The following MYH9 variants were observed in gnomAD, a reference collection of about 807,000 sequenced individuals.
The protein encoded by MYH9 is myosin-9.
In MYH9, 29 loss-of-function variants were observed where a neutral mutation model predicts 241.9. The observed-to-expected ratio is 0.12, with a 90% CI of 0.09 to 0.16. The LOEUF (loss-of-function observed/expected upper bound fraction) is 0.16, where lower values mean the gene tolerates loss of function less well. MYH9 is among the 10% of genes least tolerant of loss of function. The probability of loss-of-function intolerance (pLI) is 1.00; values close to 1 mark genes in which losing one functional copy is unlikely to be tolerated. For synonymous variants in MYH9, 1,047 were observed against 1,062.6 expected, an observed-to-expected ratio of 0.99 and a Z score of 0.29; for missense variants, 1,803 against 2,595.5, an observed-to-expected ratio of 0.69 and a Z score of 6.63.
rs2146325013 is a variant in MYH9, at chr22:36,282,387, G to A, written c.*281C>T. ...ACATCTTGTGCTTTTTGGCAAGAGA[G>A]GGCTGAGGAGCCTGCTGGTCGCTCT... On this transcript the variant is annotated 3_prime_UTR_variant, in exon 41 of 41. Transcript: ENST00000216181. 1 of 581,548 alleles carries A rather than the reference G, an allele frequency of 1.7e-6. No homozygotes were observed. 36.0% of individuals were successfully genotyped at this position (581,548 alleles called of 1,614,324 possible). A position where few individuals can be genotyped will look rare whatever the true frequency, so the allele number is the denominator to read the frequency against.
At chr22:36,387,680 C>T (rs1284106262) in intron 1 of MYH9, 127 bp downstream of exon 1, 1 of 151,310 alleles carries the variant, frequency 6.6e-6, no homozygotes, top group Non-Finnish European at 1.5e-5. Context: ...CGGCGTTCGC[C>T]CCCGCCCGCG....
In MYH9 at chr22:36,314,161, T is replaced by C. The variant is rs1603483317; in HGVS notation, c.1538A>G (p.Asp513Gly). 12 of 1,614,144 alleles carry C rather than the reference T, an allele frequency of 7.4e-6. No homozygotes were observed. The highest frequency in any genetic ancestry group is 1.0e-5 in the Non-Finnish European group (12 of 1,180,006). The change falls in exon 13 of 41, where the codon GAC becomes GGC. Residue 513 changes from aspartate to glycine, a missense_variant. Coordinates refer to ENST00000216181, the MANE Select transcript of MYH9 (RefSeq NM_002473.6). ...GGTACTCACTGGCTTCTCAATGAGG[T>C]CGATGCAGGGCTGCAGGTCGAGGCC... ...DFGLDLQPCI[D>G]LIEKPAGPPG...
intron 35 of MYH9, among the ~76,000 whole-genome samples, chr22:36,286,234 G>A (rs867055985): frequency 6.6e-5 from 10 of 152,346 alleles, no homozygotes; most frequent in African/African-American, 2.4e-4. Context: ...GGGAGACCAC[G>A]TGGACAGAGT....
At chr22:36,314,884 A>T (rs1014303934) in intron 12 of MYH9, among the ~76,000 whole-genome samples, 3 of 152,158 alleles carry the variant, frequency 2.0e-5, no homozygotes, top group Non-Finnish European at 2.9e-5. Context: ...CCTGAGCTCA[A>T]GCAATTCTTC....
Position 36,293,955 on chromosome 22 carries a change from C to T in MYH9, c.3838-92G>A. ...CCTTTAGGTAAAGCTGGACCTGAGT[C>T]ACAAGCTGAACCATGAGGGTCTGAG... On this transcript the variant is annotated intron_variant, in intron 28 of 40. Coordinates refer to ENST00000216181, the MANE Select transcript of MYH9 (RefSeq NM_002473.6). The surrounding 1 kb of genome is among the most constrained non-coding windows in gnomAD (Gnocchi z 5.1). The T allele has an allele frequency of 6.8e-7, 1 of 1,466,404 alleles. No individual in the cohort carries two copies. Among genetic ancestry groups the T allele is most frequent in the Non-Finnish European group, 9.4e-7 (1 of 1,066,510 alleles). 90.8% of individuals were successfully genotyped at this position (1,466,404 alleles called of 1,614,324 possible).
In MYH9 at chr22:36,282,365, T is replaced by C. The variant is rs2016504642; in HGVS notation, c.*303A>G. 4 of 558,614 alleles carry C rather than the reference T, an allele frequency of 7.2e-6. No individual in the cohort carries two copies. The highest frequency in any genetic ancestry group is 1.3e-5 in the Non-Finnish European group (4 of 309,380). The allele number at this position is 558,614 out of a possible 1,614,324, so 34.6% of individuals were successfully genotyped here. A position where few individuals can be genotyped will look rare whatever the true frequency, so the allele number is the denominator to read the frequency against. ...GGGGCCTGCCCTGCTCGCCTCAACA[T>C]CTTGTGCTTTTTGGCAAGAGAGGGC... On this transcript the variant is annotated 3_prime_UTR_variant, in exon 41 of 41. Coordinates refer to ENST00000216181, the MANE Select transcript of MYH9 (RefSeq NM_002473.6).
chr22:36,332,057 G>A lies in MYH9; in HGVS notation c.491-4569C>T, dbSNP rs531508031. On this transcript the variant is annotated intron_variant, in intron 3 of 40. Transcript: ENST00000216181. ...CTGCGTTGCCAGGATGGCTTGATCAGAGTTGCACAAATGGGGCTGAGAACT... is the reference window on the plus strand; with the variant it reads ...CTGCGTTGCCAGGATGGCTTGATCAAAGTTGCACAAATGGGGCTGAGAACT... Among the ~76,000 whole-genome samples, 7 of 152,298 alleles carry A rather than the reference G, an allele frequency of 4.6e-5. No homozygotes were observed. In the South Asian group the frequency reaches 1.4e-3, roughly 32 times the overall value.
At chr22:36,332,169 G>GC (rs1221254679) in intron 3 of MYH9, among the ~76,000 whole-genome samples, 1 of 152,210 alleles carries the variant, frequency 6.6e-6, no homozygotes, top group Non-Finnish European at 1.5e-5. Flanking sequence ...CCGCAGGCCT[G>GC]CCTCAGTGCT....
chr22:36,373,131 C>A (rs1192169910), intron 1 of MYH9, among the ~76,000 whole-genome samples: 1 of 152,160 alleles, frequency 6.6e-6, no homozygotes, highest in African/African-American at 2.4e-5. Flanking sequence ...ACTGTTGCAA[C>A]TTGTTGCTAC....
At chr22:36,289,978 T>C (rs1291005503) in intron 31 of MYH9, among the ~76,000 whole-genome samples, 1 of 152,126 alleles carries the variant, frequency 6.6e-6, no homozygotes, top group Non-Finnish European at 1.5e-5. Flanking sequence ...CAGTCTATCG[T>C]TCCCTACAAA....
Position 36,282,543 on chromosome 22 carries a change from G to T in MYH9, c.*125C>A, listed in dbSNP as rs962911649. 3 of 916,348 alleles carry T rather than the reference G, an allele frequency of 3.3e-6. No individual in the cohort carries two copies. In the East Asian group the frequency reaches 7.2e-5, roughly 22 times the overall value. The allele number at this position is 916,348 out of a possible 1,614,324, so 56.8% of individuals were successfully genotyped here. Reference sequence around the variant, plus strand: ...GGGAAACGGGATGGGGGGACGGGGCGGAGGGCAGGAGGAGGCATGTTCACA... The same window carrying T: ...GGGAAACGGGATGGGGGGACGGGGCTGAGGGCAGGAGGAGGCATGTTCACA... On this transcript the variant is annotated 3_prime_UTR_variant, in exon 41 of 41. Coordinates refer to ENST00000216181, the MANE Select transcript of MYH9 (RefSeq NM_002473.6).
At chr22:36,365,649 C>T (rs924668126) in intron 1 of MYH9, among the ~76,000 whole-genome samples, 5 of 151,966 alleles carry the variant, frequency 3.3e-5, no homozygotes, top group African/African-American at 1.2e-4. Flanking sequence ...TTAGCAGAGA[C>T]GGAGTTTCAC....
At chr22:36,377,062 C>CAAAA (rs11448075) in intron 1 of MYH9, among the ~76,000 whole-genome samples, 2 of 144,824 alleles carry the variant, frequency 1.4e-5, no homozygotes, top group Non-Finnish European at 1.5e-5. Context: ...GACCCTACCT[C>CAAAA]AAAAAAAAAA....
chr22:36,307,950 T>C (rs2016999039), intron 15 of MYH9, among the ~76,000 whole-genome samples: 1 of 151,928 alleles, frequency 6.6e-6, no homozygotes, highest in Non-Finnish European at 1.5e-5. Context: ...TCAATATTCC[T>C]GGCTACCACA....
intron 3 of MYH9, among the ~76,000 whole-genome samples, chr22:36,340,844 G>C (rs1273143637): frequency 6.6e-6 from 1 of 152,128 alleles, no homozygotes; most frequent in East Asian, 1.9e-4. Flanking sequence ...TGACCAGGAG[G>C]TGGGGATAGA....
rs2016567705 is a variant in MYH9 at position 36,285,706 on chromosome 22, C to T, written c.5226G>A (p.Gln1742=). The change falls in exon 37 of 41, where the codon CAG becomes CAA. Residue 1742 remains glutamine, a synonymous_variant. Transcript: ENST00000216181. This position sits in a 1 kb window ranked among gnomAD's most constrained non-coding sequence, Gnocchi z 7.0. Reference sequence around the variant, plus strand: ...GGTCGTTGATCAGCTCCGTGTTGCCCTGCTCCTCCTCCAGCTCCTCCTCCA... The same window carrying T: ...GGTCGTTGATCAGCTCCGTGTTGCCTTGCTCCTCCTCCAGCTCCTCCTCCA... ...AQLEEELEEE[Q]GNTELINDRL... is the part of the protein sequence containing the mutation. The T allele has an allele frequency of 1.2e-6, 2 of 1,613,118 alleles. No individual in the cohort carries two copies. The highest frequency in any genetic ancestry group is 1.3e-5 in the African/African-American group (1 of 75,004).
chr22:36,337,231 T>C (rs553369122), intron 3 of MYH9, among the ~76,000 whole-genome samples: 1 of 152,338 alleles, frequency 6.6e-6, no homozygotes, highest in South Asian at 2.1e-4. Context: ...AAGGTGTAGC[T>C]GGCACCAAGT....
At chr22:36,364,743 A>G (rs1332923401) in intron 1 of MYH9, 2 of 152,256 alleles carry the variant, frequency 1.3e-5, no homozygotes, top group African/African-American at 2.4e-5. Context: ...GGGCTTCAAA[A>G]GGAGAGGGAC....
chr22:36,347,388 T>C (rs2017694042), intron 2 of MYH9, among the ~76,000 whole-genome samples: 1 of 151,926 alleles, frequency 6.6e-6, no homozygotes, highest in Admixed American at 6.6e-5. Flanking sequence ...GGCTCACCTC[T>C]GCTCAAAGCA....
Sources: gnomAD v4.1 joint callset for allele counts (sites outside exome capture counted in the v4.1 genomes callset) on GRCh38, gnomAD v4.1.1 for gene constraint, Gnocchi (gnomAD v3.1) non-coding constraint, MANE v1.5 for transcripts, NCBI Gene and HGNC (gene_info 2026-07-23, HGNC 2026-07-21) for gene names.